SHLD2: variants seen among roughly 807,000 people sequenced by gnomAD.
The protein encoded by SHLD2 is RINN1-REV7-interacting novel NHEJ regulator 2.
In SHLD2, 30 loss-of-function variants were observed where a neutral mutation model predicts 73.2. The ratio of observed to expected loss-of-function variants is 0.41; its 90% CI spans 0.31 to 0.56. SHLD2 has a LOEUF of 0.56. SHLD2 is among the 20% of genes least tolerant of loss of function. The pLI is 0.28. For synonymous variants in SHLD2, 285 were observed against 370.1 expected (o/e 0.77, Z 2.64); for missense variants, 745 against 1,055.9 (o/e 0.71, Z 4.08).
intron 3 of SHLD2, among the ~76,000 whole-genome samples, chr10:87,157,814 G>A (rs1846539429): frequency 6.6e-6 from 1 of 152,032 alleles, no homozygotes; most frequent in Admixed American, 6.6e-5. Flanking sequence ...ATAGAGCAGT[G>A]GACTTCCATA....
intron 3 of SHLD2, among the ~76,000 whole-genome samples, chr10:87,154,771 G>T (rs1346955381): frequency 6.6e-6 from 1 of 152,138 alleles, no homozygotes; most frequent in East Asian, 1.9e-4. Context: ...GCAGGAGGAA[G>T]TTGATTAAGC....
At position 87,151,825 on chromosome 10, in the gene SHLD2, T is replaced by C; in HGVS notation, c.471T>C (p.Asp157=). ...IRDEQPKHQP[D]ICGKNFNTNL... is the part of the protein sequence containing the mutation. ...ATGAACAGCCTAAACATCAGCCAGA[T>C]ATATGTGGTAAGAACTTTAACACAA... The change falls in exon 3 of 10, where the codon GAT becomes GAC. Residue 157 remains aspartate, a synonymous_variant. Coordinates refer to ENST00000298786, the MANE Select transcript of SHLD2 (RefSeq NM_001330112.2). 1 of 1,611,990 alleles carries C rather than the reference T, an allele frequency of 6.2e-7. No individual in the cohort carries two copies. Among genetic ancestry groups the C allele is most frequent in the South Asian group, 1.1e-5 (1 of 90,992 alleles).
chr10:87,119,196 G>C (rs895485710), intron 2 of SHLD2, among the ~76,000 whole-genome samples: 1 of 150,550 alleles, frequency 6.6e-6, no homozygotes, highest in Non-Finnish European at 1.5e-5. Context: ...GTTATATTAA[G>C]AGTTAAAACC....
In SHLD2 at chr10:87,175,676, T is replaced by G. The variant is rs187698307; in HGVS notation, c.1964-213T>G. Among the ~76,000 whole-genome samples the G allele has an allele frequency of 3.5e-3, 528 of 152,210 alleles. 4 individuals carry two copies. The highest frequency in any genetic ancestry group is 0.012 in the African/African-American group (503 of 41,532). On this transcript the variant is annotated intron_variant, in intron 6 of 9. Coordinates refer to ENST00000298786, the MANE Select transcript of SHLD2 (RefSeq NM_001330112.2). ...TCCAGCCTGGGCAACAGAGTGAGACTCTGTCTTGGAAAATAATAATAATAA... is the reference window on the plus strand; with the variant it reads ...TCCAGCCTGGGCAACAGAGTGAGACGCTGTCTTGGAAAATAATAATAATAA...
In SHLD2 at chr10:87,151,012, A is replaced by G. The variant is rs1299545452; in HGVS notation, c.-5-338A>G. On this transcript the variant is annotated intron_variant, in intron 2 of 9. Coordinates refer to ENST00000298786, the MANE Select transcript of SHLD2 (RefSeq NM_001330112.2). ...AGCTAATTTTTTGTTTTTAGTATAG[A>G]CGGCGTTTCACGCTGTTAGGCAGGA... Among the ~76,000 whole-genome samples the G allele has an allele frequency of 3.9e-5, 6 of 151,940 alleles. No homozygotes were observed. The South Asian group carries it at 1.2e-3, about 32-fold the overall frequency.
chr10:87,134,497 A>C (rs1373129476), intron 2 of SHLD2, among the ~76,000 whole-genome samples: 1 of 152,202 alleles, frequency 6.6e-6, no homozygotes, highest in Non-Finnish European at 1.5e-5. Flanking sequence ...TAGCAACTCT[A>C]GCACCAAAGA....
intron 2 of SHLD2, among the ~76,000 whole-genome samples, chr10:87,147,002 G>C (rs920356063): frequency 7.5e-5 from 11 of 146,632 alleles, no homozygotes; most frequent in Middle Eastern, 3.6e-3. Context: ...GTTGCAGTGA[G>C]CTGAGATCGT....
chr10:87,175,438 C>G (rs1847892995), intron 6 of SHLD2, among the ~76,000 whole-genome samples: 1 of 151,642 alleles, frequency 6.6e-6, no homozygotes, highest in South Asian at 2.1e-4. Flanking sequence ...GTAATCCCAG[C>G]ACTGTGGGAG....
chr10:87,140,905 G>T (rs900598101), intron 2 of SHLD2, among the ~76,000 whole-genome samples: 4 of 152,122 alleles, frequency 2.6e-5, no homozygotes, highest in African/African-American at 9.7e-5. Flanking sequence ...GAGCTCAGGA[G>T]GTCAAGGCTG....
intron 2 of SHLD2, among the ~76,000 whole-genome samples, chr10:87,146,920 G>C (rs1170467631): frequency 6.6e-6 from 1 of 151,602 alleles, no homozygotes; most frequent in African/African-American, 2.4e-5. Context: ...GCTGGGCATG[G>C]TGGTGCATGC....
intron 2 of SHLD2, among the ~76,000 whole-genome samples, chr10:87,099,840 T>G (rs1456268120): frequency 6.6e-6 from 1 of 152,230 alleles, no homozygotes; most frequent in Non-Finnish European, 1.5e-5. Flanking sequence ...GTATGAAGTA[T>G]TTATTTGCAG....
chr10:87,164,046 C>T (rs1404151930), intron 4 of SHLD2, among the ~76,000 whole-genome samples: 1 of 151,742 alleles, frequency 6.6e-6, no homozygotes, highest in East Asian at 1.9e-4. Context: ...CAACCTCTGC[C>T]TCCTGGGTTC....
chr10:87,178,542 C>T (rs1848098027), intron 7 of SHLD2, among the ~76,000 whole-genome samples: 1 of 151,220 alleles, frequency 6.6e-6, no homozygotes, highest in Non-Finnish European at 1.5e-5. Context: ...TGGCAAATCC[C>T]CATCTCCACA....
chr10:87,152,944 T>C (rs1374559555), intron 3 of SHLD2, 65 bp downstream of exon 3: 7 of 1,447,288 alleles, frequency 4.8e-6, no homozygotes, highest in Non-Finnish European at 6.6e-6. Context: ...TTTTTGTTTT[T>C]CTCCCACTTA....
At position 87,167,230 on chromosome 10, in the gene SHLD2, G is replaced by C. The variant is rs555937220; in HGVS notation, c.1634-3248G>C. 8.5e-5 allele frequency among the ~76,000 whole-genome samples: 13 copies of C among 152,218 alleles called. 1 individual carries two copies. Among genetic ancestry groups the C allele is most frequent in the African/African-American group, 2.6e-4 (11 of 41,528 alleles). On this transcript the variant is annotated intron_variant, in intron 4 of 9. Coordinates refer to ENST00000298786, the MANE Select transcript of SHLD2 (RefSeq NM_001330112.2). ...GAATATTCTATGAATCCCCTAGAGAGTTTCAGGTTTTTGTAGAATTATGTG... is the reference window on the plus strand; with the variant it reads ...GAATATTCTATGAATCCCCTAGAGACTTTCAGGTTTTTGTAGAATTATGTG...
intron 2 of SHLD2, among the ~76,000 whole-genome samples, chr10:87,121,314 A>G (rs1843602688): frequency 6.6e-6 from 1 of 151,954 alleles, no homozygotes; most frequent in Non-Finnish European, 1.5e-5. Flanking sequence ...TAGTAGAGAC[A>G]GAGTTTCACC....
chr10:87,181,064 T>C (rs1423924160), intron 8 of SHLD2, among the ~76,000 whole-genome samples: 1 of 151,992 alleles, frequency 6.6e-6, no homozygotes, highest in African/African-American at 2.4e-5. Context: ...AAAGTTGCTT[T>C]TGTGGAAAAG....
intron 2 of SHLD2, among the ~76,000 whole-genome samples, chr10:87,125,885 C>T (rs1843972693): frequency 6.6e-6 from 1 of 152,144 alleles, no homozygotes; most frequent in Non-Finnish European, 1.5e-5. Context: ...CGAGATCACG[C>T]CACTGCACTC....
intron 3 of SHLD2, 32 bp downstream of exon 3, chr10:87,152,911 T>C (rs1846118251): frequency 1.3e-6 from 2 of 1,570,910 alleles, no homozygotes; most frequent in Admixed American, 4.0e-5. Context: ...GGTAGCTTAT[T>C]TTATAAAGCT....
Sources: gnomAD v4.1 joint callset for allele counts (sites outside exome capture counted in the v4.1 genomes callset) on GRCh38, gnomAD v4.1.1 for gene constraint, MANE v1.5 for transcripts, NCBI Gene and HGNC (gene_info 2026-07-23, HGNC 2026-07-21) for gene names.